The following PPP3CA variants were observed in gnomAD, a reference collection of about 807,000 sequenced individuals.
PPP3CA encodes protein phosphatase 3 catalytic subunit alpha.
PPP3CA carries 14 observed loss-of-function variants against 66.5 expected under a neutral mutation model. The observed-to-expected ratio is 0.21, with a 90% CI of 0.14 to 0.33. The LOEUF (loss-of-function observed/expected upper bound fraction) is 0.33. Among genes scored for constraint, PPP3CA ranks in the 10% least tolerant of loss-of-function variants. The pLI is 1.00. For synonymous variants in PPP3CA, 232 were observed against 226.2 expected (o/e 1.03, Z -0.23); for missense variants, 317 against 639.5 (o/e 0.50, Z 5.44).
chr4:101,332,224 G>A (rs1431942933), intron 1 of PPP3CA, among the ~76,000 whole-genome samples: 1 of 152,164 alleles, frequency 6.6e-6, no homozygotes, highest in East Asian at 1.9e-4. Flanking sequence ...CAGCTCAAGA[G>A]AAAAGTCTAG....
At chr4:101,265,614 A>C (rs2110260432) in intron 1 of PPP3CA, among the ~76,000 whole-genome samples, 1 of 152,352 alleles carries the variant, frequency 6.6e-6, no homozygotes, top group South Asian at 2.1e-4. Context: ...GTTTTTGTTC[A>C]TTCACTTCTC....
chr4:101,200,238 T>G (rs1724925935), intron 1 of PPP3CA, among the ~76,000 whole-genome samples: 1 of 152,122 alleles, frequency 6.6e-6, no homozygotes, highest in Admixed American at 6.5e-5. Context: ...TGGAAGATGG[T>G]CCGTGAAAAT....
chr4:101,284,210 C>T (rs765059514), intron 1 of PPP3CA, among the ~76,000 whole-genome samples: 1 of 152,078 alleles, frequency 6.6e-6, no homozygotes, highest in Non-Finnish European at 1.5e-5. Context: ...TATCCATAAG[C>T]GTAATCAGGA....
intron 13 of PPP3CA, among the ~76,000 whole-genome samples, chr4:101,028,341 T>TAAAC (rs1489066548): frequency 2.0e-5 from 3 of 152,208 alleles, no homozygotes; most frequent in African/African-American, 4.8e-5. Context: ...ACTATATATT[T>TAAAC]AAACAACAGT....
intron 2 of PPP3CA, among the ~76,000 whole-genome samples, chr4:101,115,073 G>A (rs1006072209): frequency 6.6e-6 from 1 of 151,934 alleles, no homozygotes; most frequent in South Asian, 2.1e-4. Context: ...CAGAAGTTCA[G>A]GACTTTACTC....
chr4:101,119,025 G>A (rs894381496), intron 2 of PPP3CA, among the ~76,000 whole-genome samples: 8 of 148,816 alleles, frequency 5.4e-5, no homozygotes, highest in African/African-American at 2.0e-4. Context: ...CTTGGCACAT[G>A]GTATGTACTA....
At chr4:101,340,131 T>C (rs1310390346) in intron 1 of PPP3CA, among the ~76,000 whole-genome samples, 2 of 152,204 alleles carry the variant, frequency 1.3e-5, no homozygotes, top group Non-Finnish European at 1.5e-5. Flanking sequence ...TAGTATGTCA[T>C]AATATTGAGA....
At chr4:101,026,242 A>G (rs1485275369) in intron 13 of PPP3CA, among the ~76,000 whole-genome samples, 181 bp from the exon 14 acceptor site, 2 of 152,188 alleles carry the variant, frequency 1.3e-5, no homozygotes, top group Non-Finnish European at 2.9e-5. Flanking sequence ...AAGTAACCAA[A>G]GGTTTGAAAA....
chr4:101,072,765 T>C (rs904243359), intron 8 of PPP3CA, among the ~76,000 whole-genome samples: 6 of 151,462 alleles, frequency 4.0e-5, no homozygotes, highest in African/African-American at 9.7e-5. Flanking sequence ...TGAAACCCCG[T>C]CTCTACTAAA....
At chr4:101,246,839 G>A (rs979499575) in intron 1 of PPP3CA, among the ~76,000 whole-genome samples, 1 of 152,068 alleles carries the variant, frequency 6.6e-6, no homozygotes, top group African/African-American at 2.4e-5. Flanking sequence ...TAGTGCTAAT[G>A]AGGCAAAGGT....
intron 1 of PPP3CA, chr4:101,330,157 C>T: frequency 2.7e-6 from 1 of 364,220 alleles, no homozygotes; most frequent in Non-Finnish European, 5.4e-6. Flanking sequence ...TCCACATTAA[C>T]AAGAGTTTGA....
chr4:101,090,654 A>C (rs1177398746), intron 6 of PPP3CA, among the ~76,000 whole-genome samples: 1 of 150,844 alleles, frequency 6.6e-6, no homozygotes, highest in African/African-American at 2.4e-5. Context: ...AAAAAAAAAA[A>C]AAAAAAAAAG....
At chr4:101,194,818 C>T (rs1439855290) in intron 2 of PPP3CA, among the ~76,000 whole-genome samples, 3 of 152,032 alleles carry the variant, frequency 2.0e-5, no homozygotes, top group African/African-American at 7.2e-5. Context: ...CCACCCACCT[C>T]GGCCTCCCAA....
chr4:101,187,895 AC>A (rs1439233339), intron 2 of PPP3CA, among the ~76,000 whole-genome samples: 2 of 152,174 alleles, frequency 1.3e-5, no homozygotes, highest in Non-Finnish European at 2.9e-5. Context: ...CATGCATATT[AC>A]TTCGAGAAAA....
At chr4:101,225,755 G>A (rs1451670598) in intron 1 of PPP3CA, among the ~76,000 whole-genome samples, 1 of 151,676 alleles carries the variant, frequency 6.6e-6, no homozygotes, top group Non-Finnish European at 1.5e-5. Flanking sequence ...ACTACTAATA[G>A]GAAAAGAACG....
At chr4:101,274,609 T>C (rs934609576) in intron 1 of PPP3CA, among the ~76,000 whole-genome samples, 23 of 152,216 alleles carry the variant, frequency 1.5e-4, no homozygotes, top group African/African-American at 5.5e-4. Context: ...AAATACTCCC[T>C]TTCTTTTTTA....
chr4:101,146,600 G>A (rs552046133), intron 2 of PPP3CA, among the ~76,000 whole-genome samples: 5 of 151,936 alleles, frequency 3.3e-5, no homozygotes, highest in African/African-American at 7.3e-5. Context: ...GCACCACCAC[G>A]CCAGGCTAAT....
intron 2 of PPP3CA, among the ~76,000 whole-genome samples, chr4:101,178,141 G>A (rs570546272): frequency 1.3e-5 from 2 of 152,058 alleles, no homozygotes; most frequent in African/African-American, 2.4e-5. Context: ...GAGCATGTTA[G>A]GTAACTTGTG....
At chr4:101,202,666 T>C (rs1725006205) in intron 1 of PPP3CA, among the ~76,000 whole-genome samples, 1 of 152,226 alleles carries the variant, frequency 6.6e-6, no homozygotes, top group Non-Finnish European at 1.5e-5. Context: ...ACTTTTATTA[T>C]AGATATTAAT....
Sources: gnomAD v4.1 joint callset for allele counts (sites outside exome capture counted in the v4.1 genomes callset) on GRCh38, gnomAD v4.1.1 for gene constraint, MANE v1.5 for transcripts, NCBI Gene and HGNC (gene_info 2026-07-23, HGNC 2026-07-21) for gene names.